Variants in CABLES1 observed in about 807,000 individuals in gnomAD.
CABLES1 encodes the protein CDK5 and ABL1 enzyme substrate 1.
In CABLES1, 36 loss-of-function variants were observed where a neutral mutation model predicts 57.8. That is an observed-to-expected ratio of 0.62 (90% CI 0.48 to 0.82). The LOEUF is 0.82. Ranked by LOEUF, CABLES1 falls within the 40% of genes least tolerant of loss-of-function variation. The probability of loss-of-function intolerance (pLI) is 0.00; values close to 1 mark genes in which losing one functional copy is unlikely to be tolerated. For missense variants in CABLES1, 767 were observed against 836.6 expected (o/e 0.92, Z 1.03); for synonymous variants, 374 against 363.0 (o/e 1.03, Z -0.35).
At chr18:23,165,087 A>G (rs1027009006) in intron 1 of CABLES1, among the ~76,000 whole-genome samples, 1 of 151,608 alleles carries the variant, frequency 6.6e-6, no homozygotes, top group Non-Finnish European at 1.5e-5. Context: ...CTATTCTTTT[A>G]ACCATTTTTT....
intron 3 of CABLES1, among the ~76,000 whole-genome samples, chr18:23,207,682 A>C (rs1487634145): frequency 6.6e-6 from 1 of 151,206 alleles, no homozygotes; most frequent in Non-Finnish European, 1.5e-5. Context: ...AAGTGCTCAG[A>C]AAATATTTGT....
At position 23,253,862 on chromosome 18, in the gene CABLES1, G is replaced by A; in HGVS notation, c.1687G>A (p.Ala563Thr). The change falls in exon 9 of 10, where the codon GCT becomes ACT. Residue 563 changes from alanine to threonine, a missense_variant. Physicochemically the swap from Ala to Thr is moderately conservative, Grantham distance 58. Transcript: ENST00000256925. ...KLNKQNRKLC[A>T]GACVLLAAKI... ...CAACAAACAGAACCGGAAGCTGTGT[G>A]CTGGGGCATGTGTGCTGTTAGCAGC... The A allele has an allele frequency of 6.2e-7, 1 of 1,614,262 alleles. No homozygotes were observed. The highest frequency in any genetic ancestry group is 8.5e-7 in the Non-Finnish European group (1 of 1,180,046).
intron 1 of CABLES1, among the ~76,000 whole-genome samples, chr18:23,159,184 C>T (rs983980213): frequency 1.3e-5 from 2 of 152,224 alleles, no homozygotes; most frequent in Non-Finnish European, 2.9e-5. Context: ...AGGCTGCTCT[C>T]GAACTCCTGG....
At chr18:23,209,536 C>T (rs1273803079) in intron 3 of CABLES1, among the ~76,000 whole-genome samples, 1 of 152,172 alleles carries the variant, frequency 6.6e-6, no homozygotes, top group Non-Finnish European at 1.5e-5. Flanking sequence ...ATACAGACCC[C>T]TGGGCTGTGG....
chr18:23,216,020 C>T lies in CABLES1; in HGVS notation c.1088+1966C>T, dbSNP rs574429282. On this transcript the variant is annotated intron_variant, in intron 4 of 9. Transcript: ENST00000256925. ...CTGCCCGCCTCGGCCTCCCAAAGTG[C>T]TGGGATTACAGGCGTGAGCCACCAC... Among the ~76,000 whole-genome samples the T allele has an allele frequency of 2.6e-5, 4 of 152,298 alleles. No homozygotes were observed. The East Asian group carries it at 7.7e-4, about 29-fold the overall frequency.
At position 23,159,260 on chromosome 18, in the gene CABLES1, C is replaced by T. The variant is rs1219054332; in HGVS notation, c.845+22653C>T. On this transcript the variant is annotated intron_variant, in intron 1 of 9. Coordinates refer to ENST00000256925, the MANE Select transcript of CABLES1 (RefSeq NM_001100619.3). Reference sequence around the variant, plus strand: ...GATTACAGGCGTGAGCCACTGCACCCGGCCTGGTCAGGGTCTTAGAATCTT... The same window carrying T: ...GATTACAGGCGTGAGCCACTGCACCTGGCCTGGTCAGGGTCTTAGAATCTT... Among the ~76,000 whole-genome samples, 6 of 152,358 alleles carry T rather than the reference C, an allele frequency of 3.9e-5. No individual in the cohort carries two copies. In the East Asian group the frequency reaches 5.8e-4, roughly 15 times the overall value.
chr18:23,182,739 G>GCTT (rs781157094), intron 1 of CABLES1, among the ~76,000 whole-genome samples: 3 of 152,220 alleles, frequency 2.0e-5, no homozygotes, highest in Non-Finnish European at 4.4e-5. Flanking sequence ...TTTCCCCTGG[G>GCTT]TGCCCACTGC....
chr18:23,239,353 G>A (rs941927964), intron 7 of CABLES1, among the ~76,000 whole-genome samples: 3 of 152,218 alleles, frequency 2.0e-5, no homozygotes, highest in Non-Finnish European at 1.5e-5. Context: ...TTTCCTGGTC[G>A]GCTCCTGGAG....
intron 3 of CABLES1, among the ~76,000 whole-genome samples, chr18:23,213,614 G>A (rs1425069750): frequency 6.6e-6 from 1 of 152,210 alleles, no homozygotes; most frequent in African/African-American, 2.4e-5. Context: ...GAAATCAATG[G>A]TTTAAATGTG....
chr18:23,135,961 T>A lies in CABLES1; in HGVS notation c.199T>A (p.Ser67Thr). The A allele has an allele frequency of 8.8e-7, 1 of 1,138,172 alleles. No homozygotes were observed. Among genetic ancestry groups the A allele is most frequent in the Admixed American group, 4.3e-5 (1 of 23,416 alleles). 70.5% of individuals were successfully genotyped at this position (1,138,172 alleles called of 1,614,324 possible). Residue 67 changes from serine (S) to threonine (T), a missense_variant, in exon 1 of 10, where the codon TCC becomes ACC. Coordinates refer to ENST00000256925, the MANE Select transcript of CABLES1 (RefSeq NM_001100619.3). ...MDPRRRQAALSFLTNISLDGR... is the reference protein window; with the variant it reads ...MDPRRRQAALTFLTNISLDGR... The stretch of plus-strand genomic sequence containing the variant: ...CCCGCGGCGCCGCCAGGCTGCCCTC[T>A]CCTTCCTCACCAACATCTCGCTGGA...
chr18:23,176,891 C>T (rs866761398), intron 1 of CABLES1, among the ~76,000 whole-genome samples: 28 of 152,134 alleles, frequency 1.8e-4, no homozygotes, highest in African/African-American at 5.3e-4. Context: ...GTTTTACTGG[C>T]GTCCTCCCTA....
At chr18:23,244,734 C>A (rs1180137415) in intron 7 of CABLES1, among the ~76,000 whole-genome samples, 2 of 152,234 alleles carry the variant, frequency 1.3e-5, no homozygotes, top group African/African-American at 4.8e-5. Flanking sequence ...ATCCTTCCTT[C>A]CTTTCACAGG....
At chr18:23,219,646 C>G (rs755450971) in intron 4 of CABLES1, among the ~76,000 whole-genome samples, 5 of 152,192 alleles carry the variant, frequency 3.3e-5, no homozygotes, top group Non-Finnish European at 7.3e-5. Flanking sequence ...GGAGTGAGCT[C>G]TGACATATGG....
chr18:23,161,239 A>G (rs2047001796), intron 1 of CABLES1, among the ~76,000 whole-genome samples: 1 of 152,082 alleles, frequency 6.6e-6, no homozygotes, highest in African/African-American at 2.4e-5. Context: ...TGAGAGAGGA[A>G]GAGAAAGAAA....
intron 4 of CABLES1, among the ~76,000 whole-genome samples, chr18:23,222,616 C>CAGATAT (rs561937072): frequency 5.5e-4 from 83 of 149,816 alleles, no homozygotes; most frequent in Non-Finnish European, 6.7e-4. Flanking sequence ...GATATATACA[C>CAGATAT]AGATATAGAT....
intron 1 of CABLES1, among the ~76,000 whole-genome samples, chr18:23,179,698 T>C (rs1213229485): frequency 6.6e-6 from 1 of 152,240 alleles, no homozygotes; most frequent in Non-Finnish European, 1.5e-5. Context: ...GTAAGGGCCA[T>C]GCTTACTTTC....
At chr18:23,252,085 CAAAA>C (rs1000418698) in intron 7 of CABLES1, among the ~76,000 whole-genome samples, 3 of 72,228 alleles carry the variant, frequency 4.2e-5, no homozygotes, top group Non-Finnish European at 5.7e-5. Flanking sequence ...GACTCCGTCT[CAAAA>C]AAAAAAAAAA....
chr18:23,166,286 C>T (rs1173616336), intron 1 of CABLES1, among the ~76,000 whole-genome samples: 1 of 151,850 alleles, frequency 6.6e-6, no homozygotes, highest in Non-Finnish European at 1.5e-5. Flanking sequence ...ACTGCAACCT[C>T]CGCCTCTTGG....
chr18:23,245,345 C>A (rs2047848461), intron 7 of CABLES1, among the ~76,000 whole-genome samples: 1 of 151,820 alleles, frequency 6.6e-6, no homozygotes, highest in African/African-American at 2.4e-5. Flanking sequence ...CCATCTCTAC[C>A]AAAAAATACA....
Sources: allele counts gnomAD v4.1 joint callset (sites outside exome capture counted in the v4.1 genomes callset), GRCh38; gene constraint gnomAD v4.1.1; transcripts MANE v1.5; gene names NCBI Gene and HGNC (gene_info 2026-07-23, HGNC 2026-07-21).